Variants in REC114 observed in about 807,000 individuals in gnomAD.
REC114 encodes the protein REC114 meiotic recombination protein, also known as meiotic recombination protein REC114.
A neutral mutation model predicts 31.3 loss-of-function variants in REC114; 27 were observed. The ratio of observed to expected loss-of-function variants is 0.86; its 90% CI spans 0.64 to 1.19. The LOEUF (loss-of-function observed/expected upper bound fraction) is 1.19, where lower values mean the gene tolerates loss of function less well. REC114 is among the 50% of genes most tolerant of loss of function. The pLI is 0.00. For synonymous variants in REC114, 134 were observed against 127.7 expected, an observed-to-expected ratio of 1.05 and a Z score of -0.33; for missense variants, 344 against 326.9, an observed-to-expected ratio of 1.05 and a Z score of -0.40.
intron 2 of REC114, among the ~76,000 whole-genome samples, chr15:73,525,265 C>A (rs1893990034): frequency 6.6e-6 from 1 of 152,102 alleles, no homozygotes; most frequent in Non-Finnish European, 1.5e-5. Flanking sequence ...TTTGTGTCTT[C>A]TCACTTTTTA....
chr15:73,544,994 C>A (rs533480492), intron 3 of REC114, among the ~76,000 whole-genome samples: 1 of 152,166 alleles, frequency 6.6e-6, no homozygotes, highest in Non-Finnish European at 1.5e-5. Context: ...CATGACGATG[C>A]CTTGGAACAC....
chr15:73,549,246 G>A (rs541034422), intron 3 of REC114, among the ~76,000 whole-genome samples: 2 of 152,278 alleles, frequency 1.3e-5, no homozygotes, highest in South Asian at 4.1e-4. Flanking sequence ...ATTACGTTAA[G>A]TGAAATAAAC....
rs879691504 is a variant in REC114, at chr15:73,513,421, G to C, written c.250-27064G>C. Among the ~76,000 whole-genome samples, 801 of 146,520 alleles carry C rather than the reference G, an allele frequency of 5.5e-3. 4 individuals carry two copies. The highest frequency in any genetic ancestry group is 0.019 in the African/African-American group (764 of 39,458). ...TCCCGTAGCTCAGAGTAATTTGATC[G>C]TCTGAAGCCTTCTTCTCTCAGCTCG... On this transcript the variant is annotated intron_variant, in intron 2 of 5. Transcript: ENST00000331090.
intron 5 of REC114, among the ~76,000 whole-genome samples, chr15:73,559,213 T>C (rs1476061580): frequency 6.6e-6 from 1 of 152,198 alleles, no homozygotes; most frequent in African/African-American, 2.4e-5. Flanking sequence ...TGTATTTTGA[T>C]TGTGGTGACA....
chr15:73,554,260 C>T (rs1894431617), intron 4 of REC114, among the ~76,000 whole-genome samples: 1 of 152,156 alleles, frequency 6.6e-6, no homozygotes, highest in Non-Finnish European at 1.5e-5. Context: ...TCTAGTTTTC[C>T]TAATGGCAAA....
chr15:73,500,368 A>AC (rs1893587904), intron 2 of REC114, among the ~76,000 whole-genome samples: 3 of 149,610 alleles, frequency 2.0e-5, no homozygotes, highest in South Asian at 4.2e-4. Context: ...AAAAAAAAAA[A>AC]CTTGTTTCCC....
chr15:73,453,599 C>G (rs1318133446), intron 1 of REC114, among the ~76,000 whole-genome samples: 1 of 152,134 alleles, frequency 6.6e-6, no homozygotes, highest in Non-Finnish European at 1.5e-5. Flanking sequence ...TACCATTTGA[C>G]CCAGCAATCC....
chr15:73,534,113 T>A (rs1384558635), intron 2 of REC114, among the ~76,000 whole-genome samples: 17 of 143,706 alleles, frequency 1.2e-4, no homozygotes, highest in African/African-American at 4.2e-4. Context: ...CACCCTAACA[T>A]CACAATTAAA....
At chr15:73,514,048 C>T (rs1269052072) in intron 2 of REC114, among the ~76,000 whole-genome samples, 2 of 152,166 alleles carry the variant, frequency 1.3e-5, no homozygotes, top group Non-Finnish European at 2.9e-5. Flanking sequence ...CCCAGCCTCG[C>T]TGCTGCCTTG....
chr15:73,461,917 C>CTTTTT (rs1595861219), intron 1 of REC114, among the ~76,000 whole-genome samples: 2 of 79,468 alleles, frequency 2.5e-5, no homozygotes, highest in African/African-American at 4.7e-5. Flanking sequence ...TTTTCTTTTT[C>CTTTTT]TTTTCTTTTT....
chr15:73,510,061 T>C (rs926647465), intron 2 of REC114, among the ~76,000 whole-genome samples: 1 of 152,124 alleles, frequency 6.6e-6, no homozygotes, highest in African/African-American at 2.4e-5. Context: ...ATATTGATTC[T>C]TCCTACCCAT....
At chr15:73,513,677 G>A (rs1893810071) in intron 2 of REC114, among the ~76,000 whole-genome samples, 2 of 152,092 alleles carry the variant, frequency 1.3e-5, no homozygotes, top group Admixed American at 1.3e-4. Flanking sequence ...AGGACCCTCA[G>A]CTGCAGGTCT....
At position 73,514,470 on chromosome 15, in the gene REC114, C is replaced by T. The variant is rs368065635; in HGVS notation, c.250-26015C>T. On this transcript the variant is annotated intron_variant, in intron 2 of 5. Transcript: ENST00000331090. Reference sequence around the variant, plus strand: ...TATTCGGCCATCTTGGCTCCTCCCCCGCCACAGCACAGTTTCTAACCTTTG... The same window carrying T: ...TATTCGGCCATCTTGGCTCCTCCCCTGCCACAGCACAGTTTCTAACCTTTG... Among the ~76,000 whole-genome samples, 38 of 152,214 alleles carry T rather than the reference C, an allele frequency of 2.5e-4. 1 individual carries two copies. The East Asian group carries it at 7.4e-3, about 29-fold the overall frequency.
chr15:73,486,241 G>A (rs184508418), intron 2 of REC114, among the ~76,000 whole-genome samples: 2 of 152,276 alleles, frequency 1.3e-5, no homozygotes, highest in Non-Finnish European at 2.9e-5. Flanking sequence ...GGGATTGCAG[G>A]CACGCACCAC....
chr15:73,463,084 T>C (rs566777053), intron 1 of REC114, among the ~76,000 whole-genome samples: 1 of 152,290 alleles, frequency 6.6e-6, no homozygotes, highest in East Asian at 1.9e-4. Flanking sequence ...ATTAACAATT[T>C]CATAATATTA....
chr15:73,464,527 TCTCCAAG>T (rs1338580617), intron 1 of REC114, among the ~76,000 whole-genome samples: 6 of 152,096 alleles, frequency 3.9e-5, no homozygotes, highest in Non-Finnish European at 8.8e-5. Context: ...CTGGGTGTCA[TCTCCAAG>T]AGTGGACACT....
intron 5 of REC114, among the ~76,000 whole-genome samples, chr15:73,559,450 C>T (rs1406550091): frequency 6.6e-6 from 1 of 152,180 alleles, no homozygotes; most frequent in African/African-American, 2.4e-5. Flanking sequence ...AGGTTATCAG[C>T]ACAGTATTCT....
chr15:73,537,493 C>G (rs908157244), intron 2 of REC114, among the ~76,000 whole-genome samples: 8 of 147,060 alleles, frequency 5.4e-5, no homozygotes, highest in East Asian at 2.0e-4. Context: ...GGTATCCCCC[C>G]CTGAATCAAC....
At chr15:73,472,901 T>C (rs1225690531) in intron 1 of REC114, among the ~76,000 whole-genome samples, 1 of 152,168 alleles carries the variant, frequency 6.6e-6, no homozygotes, top group Non-Finnish European at 1.5e-5. Flanking sequence ...GGAGGTTATA[T>C]TGATTTAAGA....
Sources: allele counts gnomAD v4.1 joint callset (sites outside exome capture counted in the v4.1 genomes callset), GRCh38; gene constraint gnomAD v4.1.1; transcripts MANE v1.5; gene names NCBI Gene and HGNC (gene_info 2026-07-23, HGNC 2026-07-21).